Variants in ADAMTS3 observed in about 807,000 individuals in gnomAD.
ADAMTS3 encodes the protein ADAM metallopeptidase with thrombospondin type 1 motif 3, also known as A disintegrin and metalloproteinase with thrombospondin motifs 3.
ADAMTS3 carries 73 observed loss-of-function variants against 129.0 expected under a neutral mutation model. The ratio of observed to expected loss-of-function variants is 0.57; its 90% CI spans 0.47 to 0.69. The LOEUF is 0.69. Among genes scored for constraint, ADAMTS3 ranks in the 30% least tolerant of loss-of-function variants. The pLI, the probability that ADAMTS3 is intolerant of heterozygous loss-of-function variation, is 0.00. For synonymous variants in ADAMTS3, 477 were observed against 510.8 expected (o/e 0.93, Z 0.89); for missense variants, 1,457 against 1,514.5 (o/e 0.96, Z 0.63).
intron 1 of ADAMTS3, 123 bp from the exon 2 acceptor site, chr4:72,567,524 G>C (rs1029304219): frequency 1.1e-6 from 1 of 944,424 alleles, no homozygotes; most frequent in African/African-American, 1.7e-5. Context: ...CTAGAGACTG[G>C]GATTGGTGCC....
intron 3 of ADAMTS3, among the ~76,000 whole-genome samples, chr4:72,476,409 C>T (rs532108733): frequency 4.5e-4 from 69 of 152,204 alleles, no homozygotes; most frequent in African/African-American, 1.6e-3. Context: ...ACTACCACAA[C>T]TCATCTAACA....
intron 4 of ADAMTS3, among the ~76,000 whole-genome samples, chr4:72,345,481 G>T (rs1387846306): frequency 6.6e-6 from 1 of 152,114 alleles, no homozygotes; most frequent in East Asian, 1.9e-4. Context: ...CTCCACATAT[G>T]TGGAGGCACT....
intron 3 of ADAMTS3, among the ~76,000 whole-genome samples, chr4:72,471,098 T>C (rs926233008): frequency 2.0e-5 from 3 of 152,302 alleles, no homozygotes; most frequent in Non-Finnish European, 2.9e-5. Flanking sequence ...TATTCAAACT[T>C]GGATATTTGG....
intron 3 of ADAMTS3, among the ~76,000 whole-genome samples, chr4:72,530,280 A>T (rs1259144193): frequency 1.2e-5 from 1 of 83,132 alleles, no homozygotes; most frequent in South Asian, 4.0e-4. Context: ...TATATAATAT[A>T]TAATAACATA....
chr4:72,484,001 G>C lies in ADAMTS3; in HGVS notation c.504+64477C>G, dbSNP rs191112181. On this transcript the variant is annotated intron_variant, in intron 3 of 21. Coordinates refer to ENST00000286657, the MANE Select transcript of ADAMTS3 (RefSeq NM_014243.3). ...CCATTGCACTCCAGCCCGGGTGACA[G>C]AGCAGGACTCCGTCTCAAAAAAGAA... 2.4e-4 allele frequency among the ~76,000 whole-genome samples: 37 copies of C among 152,058 alleles called. 1 individual carries two copies. Among genetic ancestry groups the C allele is most frequent in the African/African-American group, 8.7e-4 (36 of 41,490 alleles).
intron 16 of ADAMTS3, among the ~76,000 whole-genome samples, chr4:72,305,569 T>C (rs967528041): frequency 1.3e-5 from 2 of 151,894 alleles, no homozygotes; most frequent in African/African-American, 4.8e-5. Context: ...TTTTCCCTCA[T>C]ATAGTTAGGA....
intron 15 of ADAMTS3, among the ~76,000 whole-genome samples, chr4:72,308,298 C>CCTGTGTTATAGTCAA: frequency 2.0e-5 from 3 of 151,716 alleles, no homozygotes; most frequent in Non-Finnish European, 4.4e-5. Context: ...GCAAAGACAT[C>CCTGTGTTATAGTCAA]AGTAACAAGA....
chr4:72,397,762 C>G (rs1007577602), intron 4 of ADAMTS3, among the ~76,000 whole-genome samples: 1 of 152,056 alleles, frequency 6.6e-6, no homozygotes, highest in Admixed American at 6.6e-5. Flanking sequence ...GCAGTGATAT[C>G]TAAAGAGGCT....
chr4:72,386,380 G>C (rs1025229021), intron 4 of ADAMTS3, among the ~76,000 whole-genome samples: 1 of 151,882 alleles, frequency 6.6e-6, no homozygotes, highest in Non-Finnish European at 1.5e-5. Context: ...TAGCAATACT[G>C]AAGTTAAATT....
chr4:72,299,774 A>G (rs1718904182), intron 17 of ADAMTS3, among the ~76,000 whole-genome samples: 2 of 152,158 alleles, frequency 1.3e-5, no homozygotes, highest in Admixed American at 1.3e-4. Flanking sequence ...AACACTGTAC[A>G]TTGCATGACT....
At chr4:72,325,139 C>A (rs866045106) in intron 5 of ADAMTS3, among the ~76,000 whole-genome samples, 1 of 151,764 alleles carries the variant, frequency 6.6e-6, no homozygotes, top group Non-Finnish European at 1.5e-5. Context: ...GAATTAATAG[C>A]CTTCATATGG....
intron 3 of ADAMTS3, among the ~76,000 whole-genome samples, chr4:72,438,194 C>G (rs1222430921): frequency 6.6e-6 from 1 of 151,614 alleles, no homozygotes; most frequent in Non-Finnish European, 1.5e-5. Context: ...TAAACAAAGT[C>G]TGCTGAAAGA....
chr4:72,463,099 T>A (rs1284160709), intron 3 of ADAMTS3, among the ~76,000 whole-genome samples: 1 of 151,998 alleles, frequency 6.6e-6, no homozygotes, highest in Non-Finnish European at 1.5e-5. Context: ...CTATCTTTTC[T>A]ATGTTTAGAT....
chr4:72,327,172 A>G (rs1404498029), intron 5 of ADAMTS3, among the ~76,000 whole-genome samples: 1 of 152,172 alleles, frequency 6.6e-6, no homozygotes, highest in African/African-American at 2.4e-5. Context: ...TTACATAGGC[A>G]TAAGGAAATT....
At chr4:72,482,011 G>A (rs748298608) in intron 3 of ADAMTS3, among the ~76,000 whole-genome samples, 8 of 152,018 alleles carry the variant, frequency 5.3e-5, no homozygotes, top group Non-Finnish European at 1.0e-4. Context: ...CCAAATGCTG[G>A]TAAGAATGTG....
intron 3 of ADAMTS3, among the ~76,000 whole-genome samples, chr4:72,511,507 C>T (rs773872481): frequency 8.5e-5 from 13 of 152,104 alleles, no homozygotes; most frequent in Admixed American, 2.6e-4. Flanking sequence ...AACGGACATA[C>T]GAAAACGTGC....
At chr4:72,343,011 A>T (rs556325660) in intron 4 of ADAMTS3, among the ~76,000 whole-genome samples, 2 of 152,198 alleles carry the variant, frequency 1.3e-5, no homozygotes, top group Non-Finnish European at 2.9e-5. Context: ...TGTGAGAGAG[A>T]AGGGCACCCA....
chr4:72,406,889 T>C (rs1722065900), intron 4 of ADAMTS3, among the ~76,000 whole-genome samples: 1 of 152,118 alleles, frequency 6.6e-6, no homozygotes, highest in Admixed American at 6.5e-5. Context: ...CTGGCAGCAT[T>C]TTAGAACACT....
In ADAMTS3 at chr4:72,399,669, T is replaced by G. The variant is rs185019234; in HGVS notation, c.661+15146A>C. 2.7e-5 allele frequency among the ~76,000 whole-genome samples: 4 copies of G among 149,562 alleles called. No homozygotes were observed. The East Asian group carries it at 8.1e-4, about 30-fold the overall frequency. On this transcript the variant is annotated intron_variant, in intron 4 of 21. Coordinates refer to ENST00000286657, the MANE Select transcript of ADAMTS3 (RefSeq NM_014243.3). ...AGTTTTCAGGAGGAACTTAGAAAACTGTCAAGAAGTTATATATATGTGTAT... is the reference window on the plus strand; with the variant it reads ...AGTTTTCAGGAGGAACTTAGAAAACGGTCAAGAAGTTATATATATGTGTAT...
Sources: gnomAD v4.1 joint callset for allele counts (sites outside exome capture counted in the v4.1 genomes callset) on GRCh38, gnomAD v4.1.1 for gene constraint, MANE v1.5 for transcripts, NCBI Gene and HGNC (gene_info 2026-07-23, HGNC 2026-07-21) for gene names.